Variants in RBFOX1 observed in about 807,000 individuals in gnomAD.
RBFOX1 encodes the protein RNA binding fox-1 homolog 1.
In RBFOX1, 8 loss-of-function variants were observed where a neutral mutation model predicts 57.7. That is an observed-to-expected ratio of 0.14 (90% CI 0.08 to 0.25). The LOEUF (loss-of-function observed/expected upper bound fraction) is 0.25. Ranked by LOEUF, RBFOX1 falls within the 10% of genes least tolerant of loss-of-function variation. The pLI is 1.00. For synonymous variants in RBFOX1, 326 were observed against 222.4 expected, an observed-to-expected ratio of 1.47 and a Z score of -4.15; for missense variants, 611 against 548.5, an observed-to-expected ratio of 1.11 and a Z score of -1.14.
chr16:5,936,699 C>T (rs889825208), intron 4 of RBFOX1, among the ~76,000 whole-genome samples: 2 of 152,186 alleles, frequency 1.3e-5, no homozygotes, highest in African/African-American at 2.4e-5. Context: ...AACTTCCTAC[C>T]TCACCTAAAT....
At chr16:7,090,877 GACCAGCACAACCTCCC>G (rs2060723091) in intron 4 of RBFOX1, among the ~76,000 whole-genome samples, 1 of 84,560 alleles carries the variant, frequency 1.2e-5, no homozygotes. Context: ...AAACCCTCTT[GACCAGCACAACCTCCC>G]TTGACCAGCA....
At chr16:6,703,524 A>G (rs2062185304) in intron 3 of RBFOX1, among the ~76,000 whole-genome samples, 1 of 151,942 alleles carries the variant, frequency 6.6e-6, no homozygotes, top group Non-Finnish European at 1.5e-5. Flanking sequence ...CAGCCTAGGC[A>G]ACATACTGTG....
At chr16:6,523,260 A>T (rs1207454326) in intron 2 of RBFOX1, among the ~76,000 whole-genome samples, 3 of 152,086 alleles carry the variant, frequency 2.0e-5, no homozygotes, top group Non-Finnish European at 4.4e-5. Flanking sequence ...GAAGGAAGAG[A>T]AGAAGGAAGA....
chr16:6,734,542 C>G (rs775429364), intron 3 of RBFOX1, among the ~76,000 whole-genome samples: 1 of 150,900 alleles, frequency 6.6e-6, no homozygotes, highest in Non-Finnish European at 1.5e-5. Flanking sequence ...GTACAAATGG[C>G]CCAACTAGGA....
chr16:7,186,042 AC>A (rs1160845726), intron 4 of RBFOX1, among the ~76,000 whole-genome samples: 1 of 152,058 alleles, frequency 6.6e-6, no homozygotes, highest in Non-Finnish European at 1.5e-5. Flanking sequence ...ATATTTGCTA[AC>A]CCTGGGAAAC....
chr16:5,861,884 G>A (rs185172630), intron 3 of RBFOX1, among the ~76,000 whole-genome samples: 18 of 152,278 alleles, frequency 1.2e-4, no homozygotes, highest in African/African-American at 4.3e-4. Context: ...AAAAGACCAT[G>A]CATTCTCCCC....
intron 3 of RBFOX1, among the ~76,000 whole-genome samples, chr16:6,855,200 G>A (rs1013677741): frequency 2.0e-5 from 3 of 151,990 alleles, no homozygotes; most frequent in Non-Finnish European, 2.9e-5. Context: ...ACCCAATATA[G>A]TACCTGGCAA....
chr16:5,766,495 G>T (rs962973196), intron 3 of RBFOX1, among the ~76,000 whole-genome samples: 1 of 152,146 alleles, frequency 6.6e-6, no homozygotes, highest in Non-Finnish European at 1.5e-5. Context: ...TGAGGCAGGG[G>T]AATTGCTTGA....
intron 1 of RBFOX1, among the ~76,000 whole-genome samples, chr16:5,364,845 A>G (rs1380606369): frequency 6.6e-6 from 1 of 152,138 alleles, no homozygotes; most frequent in Admixed American, 6.5e-5. Context: ...ATAATTAGCA[A>G]GGGCAGATTT....
intron 3 of RBFOX1, among the ~76,000 whole-genome samples, chr16:5,638,490 C>A (rs181849986): frequency 6.6e-6 from 1 of 152,266 alleles, no homozygotes; most frequent in East Asian, 1.9e-4. Context: ...CCTCTGCCTG[C>A]AGCTGCTAGG....
intron 4 of RBFOX1, among the ~76,000 whole-genome samples, chr16:5,914,826 C>T (rs1178200599): frequency 5.3e-5 from 8 of 151,902 alleles, no homozygotes; most frequent in Non-Finnish European, 7.4e-5. Flanking sequence ...ACCTGGGAGG[C>T]GGAGCTTGCA....
chr16:6,670,566 T>G (rs535602726), intron 3 of RBFOX1, among the ~76,000 whole-genome samples: 2 of 152,306 alleles, frequency 1.3e-5, no homozygotes, highest in Admixed American at 1.3e-4. Flanking sequence ...AAACACCCGG[T>G]AATACCTTTC....
chr16:6,432,951 C>G (rs12925805), intron 2 of RBFOX1, among the ~76,000 whole-genome samples: 3 of 152,184 alleles, frequency 2.0e-5, no homozygotes, highest in African/African-American at 7.2e-5. Flanking sequence ...GCACTCCAGC[C>G]TGGGCTACAG....
intron 1 of RBFOX1, among the ~76,000 whole-genome samples, chr16:5,276,276 A>T (rs4047662): frequency 5.9e-5 from 9 of 151,994 alleles, no homozygotes; most frequent in Non-Finnish European, 1.0e-4. Context: ...AATTTTCACA[A>T]ACTGCATCTG....
At chr16:7,648,304 C>G (rs958526335) in intron 11 of RBFOX1, among the ~76,000 whole-genome samples, 1 of 152,152 alleles carries the variant, frequency 6.6e-6, no homozygotes, top group Admixed American at 6.5e-5. Flanking sequence ...ACTGCAACCT[C>G]CTCTACCTCT....
chr16:5,595,107 C>T (rs62016888), intron 2 of RBFOX1, among the ~76,000 whole-genome samples: 10 of 152,112 alleles, frequency 6.6e-5, no homozygotes, highest in Middle Eastern at 3.4e-3. Context: ...GATCCTGCCA[C>T]TGCACTCTAG....
At chr16:6,179,212 C>T (rs1416008842) in intron 1 of RBFOX1, among the ~76,000 whole-genome samples, 3 of 152,154 alleles carry the variant, frequency 2.0e-5, no homozygotes, top group Non-Finnish European at 4.4e-5. Flanking sequence ...GTGGGGCTGT[C>T]TTCTCCCTTT....
chr16:5,633,008 A>C (rs1288520943), intron 3 of RBFOX1, among the ~76,000 whole-genome samples: 1 of 142,954 alleles, frequency 7.0e-6, no homozygotes, highest in African/African-American at 2.7e-5. Flanking sequence ...TTATGATCTC[A>C]GCTCACTGCA....
At chr16:6,394,333 G>A (rs1314071762) in intron 2 of RBFOX1, among the ~76,000 whole-genome samples, 2 of 152,186 alleles carry the variant, frequency 1.3e-5, no homozygotes, top group Admixed American at 1.3e-4. Context: ...CAGATGAAAG[G>A]CTTTAAGTGG....
Sources: gnomAD v4.1 joint callset for allele counts (sites outside exome capture counted in the v4.1 genomes callset) on GRCh38, gnomAD v4.1.1 for gene constraint, MANE v1.5 for transcripts, NCBI Gene and HGNC (gene_info 2026-07-23, HGNC 2026-07-21) for gene names.